SLC9A6: variants seen among roughly 807,000 people sequenced by gnomAD.
SLC9A6 encodes the protein sodium/hydrogen exchanger 6.
Under a neutral mutation model 45.3 loss-of-function variants are expected in SLC9A6, and 6 were observed. That is an observed-to-expected ratio of 0.13 (90% CI 0.07 to 0.26). SLC9A6 has a LOEUF of 0.26. SLC9A6 is among the 10% of genes least tolerant of loss of function. The pLI, the probability that SLC9A6 is intolerant of heterozygous loss-of-function variation, is 1.00. For synonymous variants in SLC9A6, 191 were observed against 187.7 expected (o/e 1.02, Z -0.14); for missense variants, 278 against 503.7 (o/e 0.55, Z 4.29).
intron 17 of SLC9A6, among the ~76,000 whole-genome samples, chrX:136,041,721 G>C (rs1466970404): frequency 1.8e-5 from 2 of 112,158 alleles, no homozygotes; most frequent in Non-Finnish European, 3.8e-5. Flanking sequence ...AACACAACAG[G>C]CTCCCTAGAG....
intron 7 of SLC9A6, among the ~76,000 whole-genome samples, chrX:136,002,599 T>C (rs976392692): frequency 2.7e-5 from 3 of 110,270 alleles, no homozygotes; most frequent in Admixed American, 9.7e-5. Context: ...TCTCACTCTA[T>C]CACACAGGCT....
rs185992289 is a variant in SLC9A6 at position 135,990,054 on chromosome X, C to T, written c.169+4227C>T. The stretch of plus-strand genomic sequence containing the variant: ...AGGCTGGAGTGCAGTGGCGCTATCT[C>T]GGCTCACTGCAAGCTCCGCCTCCTG... On this transcript the variant is annotated intron_variant, in intron 2 of 17. Coordinates refer to ENST00000630721, the MANE Select transcript of SLC9A6 (RefSeq NM_001379110.1). Among the ~76,000 whole-genome samples, 58 of 111,675 alleles carry T rather than the reference C, an allele frequency of 5.2e-4. 1 individual carries two copies. In the East Asian group the frequency reaches 0.011, roughly 21 times the overall value.
At chrX:136,034,592 T>C (rs185507703) in intron 16 of SLC9A6, among the ~76,000 whole-genome samples, 1 of 112,289 alleles carries the variant, frequency 8.9e-6, no homozygotes. Flanking sequence ...TGAAGCAAAT[T>C]GGAGACAACC....
At chrX:136,044,010 G>A (rs782761482) in intron 17 of SLC9A6, among the ~76,000 whole-genome samples, 6 of 111,798 alleles carry the variant, frequency 5.4e-5, no homozygotes, top group Non-Finnish European at 1.1e-4. Context: ...ATAGCTCAAG[G>A]GTAAGTGCCA....
chrX:136,030,068 A>G lies in SLC9A6; in HGVS notation c.1551-64A>G, dbSNP rs189104508. 86 of 1,000,077 alleles carry G rather than the reference A, an allele frequency of 8.6e-5. No individual in the cohort carries two copies. In the East Asian group the frequency reaches 2.5e-3, roughly 29 times the overall value. The allele number at this position is 1,000,077 out of a possible 1,213,427, so 82.4% of individuals were successfully genotyped here. Reference sequence around the variant, plus strand: ...GAGAAAAGTAGTTGCCTGACAATGTATATGTGTGAATAGACCATTTTTTGG... The same window carrying G: ...GAGAAAAGTAGTTGCCTGACAATGTGTATGTGTGAATAGACCATTTTTTGG... On this transcript the variant is annotated intron_variant, in intron 14 of 17. Transcript: ENST00000630721.
In SLC9A6 at chrX:135,994,844, T is replaced by C. The variant is rs782529317; in HGVS notation, c.228T>C (p.Asn76=). The C allele has an allele frequency of 3.7e-5, 45 of 1,209,666 alleles. No individual in the cohort carries two copies. Among genetic ancestry groups the C allele is most frequent in the South Asian group, 5.3e-5 (3 of 56,824 alleles). ...YGIHVPSDVN[N]VTLSCEVQSS... ...TTCATGTTCCGAGTGATGTAAATAA[T>C]GTGACCCTGAGCTGTGAAGTGCAGT... is the stretch of plus-strand genomic sequence containing the variant. Residue 76 remains asparagine, a synonymous_variant, in exon 3 of 18, where the codon AAT becomes AAC. Coordinates refer to ENST00000630721, the MANE Select transcript of SLC9A6 (RefSeq NM_001379110.1).
chrX:135,979,260 A>G (rs781900497), intron 1 of SLC9A6, among the ~76,000 whole-genome samples: 1 of 111,440 alleles, frequency 9.0e-6, no homozygotes, highest in South Asian at 3.8e-4. Flanking sequence ...TCTTTGTTCC[A>G]CATGAATATA....
chrX:136,044,803 G>C lies in SLC9A6; in HGVS notation c.*79G>C, dbSNP rs2071572434. ...AAATTTGTACTACCTAAAAGTCCCA[G>C]TGCATGTCTCTGAATGTGTAAGCTA... is the stretch of plus-strand genomic sequence containing the variant. On this transcript the variant is annotated 3_prime_UTR_variant, in exon 18 of 18. Coordinates refer to ENST00000630721, the MANE Select transcript of SLC9A6 (RefSeq NM_001379110.1). 3.3e-6 allele frequency: 3 copies of C among 905,567 alleles called. No homozygotes were observed. Among genetic ancestry groups the C allele is most frequent in the Non-Finnish European group, 4.8e-6 (3 of 620,619 alleles). 74.6% of individuals were successfully genotyped at this position (905,567 alleles called of 1,213,427 possible).
At chrX:136,023,260 T>C (rs1258019946) in intron 12 of SLC9A6, among the ~76,000 whole-genome samples, 16 of 81,910 alleles carry the variant, frequency 2.0e-4, no homozygotes, top group African/African-American at 5.9e-4. Flanking sequence ...TTTCATATTC[T>C]GATTCCAAAT....
intron 7 of SLC9A6, among the ~76,000 whole-genome samples, chrX:136,004,338 C>T (rs55772475): frequency 0.042 from 4,594 of 109,959 alleles, 104 homozygotes; most frequent in Non-Finnish European, 0.064. Context: ...ATCCACCTGC[C>T]TCGGCCTCCC....
Position 136,042,832 on chromosome X carries a change from T to A in SLC9A6, c.1768-1620T>A, listed in dbSNP as rs1312007325. Among the ~76,000 whole-genome samples the A allele has an allele frequency of 2.7e-5, 3 of 111,706 alleles. No individual in the cohort carries two copies. In the East Asian group the frequency reaches 8.4e-4, roughly 31 times the overall value. On this transcript the variant is annotated intron_variant, in intron 17 of 17. Coordinates refer to ENST00000630721, the MANE Select transcript of SLC9A6 (RefSeq NM_001379110.1). The stretch of plus-strand genomic sequence containing the variant: ...CTTACCTTCTCTTTTCATGGCTACG[T>A]CCTATTCCATTTCATAGCTGTAGCA...
intron 2 of SLC9A6, among the ~76,000 whole-genome samples, chrX:135,992,320 G>T (rs782395892): frequency 1.8e-5 from 2 of 111,456 alleles, no homozygotes; most frequent in African/African-American, 6.5e-5. Context: ...CTTAGGTTAG[G>T]ACCTAAACTC....
chrX:136,020,790 G>T (rs1230929451), intron 11 of SLC9A6, among the ~76,000 whole-genome samples: 3 of 111,160 alleles, frequency 2.7e-5, no homozygotes, highest in Non-Finnish European at 5.7e-5. Context: ...AGCTCTTTTG[G>T]CAGGCTCTCC....
intron 11 of SLC9A6, among the ~76,000 whole-genome samples, chrX:136,021,146 A>T (rs2071120424): frequency 9.0e-6 from 1 of 111,216 alleles, no homozygotes; most frequent in Non-Finnish European, 1.9e-5. Flanking sequence ...ATATATGTAG[A>T]TATATATACT....
At chrX:136,023,744 C>T (rs2071179468) in intron 12 of SLC9A6, among the ~76,000 whole-genome samples, 1 of 111,222 alleles carries the variant, frequency 9.0e-6, no homozygotes, top group East Asian at 2.8e-4. Flanking sequence ...TAGTCACACA[C>T]ACCTCTATGA....
chrX:136,034,149 G>A (rs1556621522), intron 16 of SLC9A6, among the ~76,000 whole-genome samples: 1 of 110,114 alleles, frequency 9.1e-6, no homozygotes, highest in East Asian at 2.9e-4. Context: ...CTGGTCCGTG[G>A]CCTGTTGGGA....
intron 6 of SLC9A6, among the ~76,000 whole-genome samples, 192 bp from the exon 7 acceptor site, chrX:136,001,914 TTG>T (rs1258422846): frequency 8.9e-6 from 1 of 112,125 alleles, no homozygotes. Flanking sequence ...GAGGAGAAGT[TTG>T]TGCAGGTACA....
chrX:136,030,247 C>T (rs1469359496), intron 15 of SLC9A6, 85 bp downstream of exon 15: 1 of 911,999 alleles, frequency 1.1e-6, no homozygotes, highest in Non-Finnish European at 1.6e-6. Context: ...AAACTTCAAC[C>T]TTCTATTTAG....
chrX:136,029,137 G>A (rs1480483670), intron 14 of SLC9A6, among the ~76,000 whole-genome samples, 162 bp downstream of exon 14: 6 of 111,320 alleles, frequency 5.4e-5, no homozygotes, highest in Non-Finnish European at 1.1e-4. Flanking sequence ...ATTGCAGCTG[G>A]AGAGAACAGC....
Sources: gnomAD v4.1 joint callset for allele counts (sites outside exome capture counted in the v4.1 genomes callset) on GRCh38, gnomAD v4.1.1 for gene constraint, MANE v1.5 for transcripts, NCBI Gene and HGNC (gene_info 2026-07-23, HGNC 2026-07-21) for gene names.